Variants in LRRC4C observed in about 807,000 individuals in gnomAD.
LRRC4C encodes leucine rich repeat containing 4C, also known as leucine-rich repeat-containing protein 4C.
A neutral mutation model predicts 33.6 loss-of-function variants in LRRC4C; 5 were observed. The ratio of observed to expected loss-of-function variants is 0.15; its 90% CI spans 0.08 to 0.31. The LOEUF (loss-of-function observed/expected upper bound fraction) is 0.31, where lower values mean the gene tolerates loss of function less well. Ranked by LOEUF, LRRC4C falls within the 10% of genes least tolerant of loss-of-function variation. The probability of loss-of-function intolerance (pLI) is 1.00; values close to 1 mark genes in which losing one functional copy is unlikely to be tolerated. For missense variants in LRRC4C, 560 were observed against 796.7 expected (o/e 0.70, Z 3.58); for synonymous variants, 329 against 302.0 (o/e 1.09, Z -0.93).
chr11:40,758,805 T>C (rs1244032627), intron 2 of LRRC4C, among the ~76,000 whole-genome samples: 2 of 151,944 alleles, frequency 1.3e-5, no homozygotes, highest in African/African-American at 4.8e-5. Context: ...AGTTCAACTG[T>C]CAAAATCTGG....
chr11:41,379,318 T>C (rs985233974), intron 1 of LRRC4C, among the ~76,000 whole-genome samples: 1 of 152,136 alleles, frequency 6.6e-6, no homozygotes, highest in African/African-American at 2.4e-5. Context: ...TCACCATGGT[T>C]ACTGATTCTT....
intron 4 of LRRC4C, among the ~76,000 whole-genome samples, chr11:40,256,612 C>T (rs540796181): frequency 1.3e-5 from 2 of 152,260 alleles, no homozygotes; most frequent in Admixed American, 6.5e-5. Flanking sequence ...ATTTCTAAAT[C>T]AACCCATCAA....
At chr11:40,595,354 A>G (rs1018640598) in intron 3 of LRRC4C, among the ~76,000 whole-genome samples, 2 of 152,228 alleles carry the variant, frequency 1.3e-5, no homozygotes, top group Admixed American at 1.3e-4. Flanking sequence ...GAACAGTTCA[A>G]TAGAGATTTT....
chr11:40,889,215 T>C (rs73472687), intron 2 of LRRC4C, among the ~76,000 whole-genome samples: 32 of 152,228 alleles, frequency 2.1e-4, no homozygotes, highest in African/African-American at 6.7e-4. Flanking sequence ...TTCTATACAG[T>C]CCTTTAAAAT....
chr11:40,213,305 C>A (rs1223269274), intron 5 of LRRC4C, among the ~76,000 whole-genome samples: 1 of 152,216 alleles, frequency 6.6e-6, no homozygotes, highest in Middle Eastern at 3.4e-3. Flanking sequence ...CATGTAAGGG[C>A]AAAAGGAATG....
At chr11:40,147,430 C>G (rs937628104) in intron 5 of LRRC4C, among the ~76,000 whole-genome samples, 1 of 152,076 alleles carries the variant, frequency 6.6e-6, no homozygotes, top group African/African-American at 2.4e-5. Context: ...AAACTAAGAA[C>G]CTGGCTTGCT....
At chr11:41,280,097 G>C (rs909333908) in intron 1 of LRRC4C, among the ~76,000 whole-genome samples, 2 of 152,054 alleles carry the variant, frequency 1.3e-5, no homozygotes, top group Non-Finnish European at 2.9e-5. Flanking sequence ...GTAAGCTCTG[G>C]AAAAGCAAGA....
At chr11:40,179,227 ACTC>A (rs1860775516) in intron 5 of LRRC4C, among the ~76,000 whole-genome samples, 1 of 151,012 alleles carries the variant, frequency 6.6e-6, no homozygotes, top group African/African-American at 2.4e-5. Flanking sequence ...CTGATCTCCA[ACTC>A]CTGAGCTCAA....
At chr11:40,564,266 T>G (rs1957667840) in intron 3 of LRRC4C, among the ~76,000 whole-genome samples, 1 of 152,070 alleles carries the variant, frequency 6.6e-6, no homozygotes, top group Non-Finnish European at 1.5e-5. Context: ...TGGCGAAGTG[T>G]GAGTACCTGA....
At chr11:40,627,102 G>A (rs575708918) in intron 3 of LRRC4C, among the ~76,000 whole-genome samples, 1 of 149,452 alleles carries the variant, frequency 6.7e-6, no homozygotes, top group Non-Finnish European at 1.5e-5. Context: ...TTGGTTGGTG[G>A]GGTGGGTCAG....
chr11:41,216,005 A>G (rs1042853138), intron 1 of LRRC4C, among the ~76,000 whole-genome samples: 1 of 152,192 alleles, frequency 6.6e-6, no homozygotes, highest in Non-Finnish European at 1.5e-5. Flanking sequence ...CACATACACA[A>G]ACACAAAACC....
At chr11:40,330,347 T>C (rs1946303489) in intron 3 of LRRC4C, among the ~76,000 whole-genome samples, 1 of 152,136 alleles carries the variant, frequency 6.6e-6, no homozygotes, top group Non-Finnish European at 1.5e-5. Context: ...TAACATATAA[T>C]AATTGTACAT....
chr11:41,206,256 G>A (rs957798995), intron 1 of LRRC4C, among the ~76,000 whole-genome samples: 55 of 152,142 alleles, frequency 3.6e-4, no homozygotes, highest in Non-Finnish European at 1.0e-4. Flanking sequence ...AAATGTAAGA[G>A]GAGACAGATT....
chr11:40,266,952 C>T (rs560327521), intron 4 of LRRC4C, among the ~76,000 whole-genome samples: 2 of 96,730 alleles, frequency 2.1e-5, no homozygotes, highest in East Asian at 7.6e-4. Flanking sequence ...CACCCACCCA[C>T]CCACCCACCC....
intron 1 of LRRC4C, among the ~76,000 whole-genome samples, chr11:41,168,092 A>G (rs1473369786): frequency 1.3e-5 from 2 of 152,148 alleles, no homozygotes; most frequent in African/African-American, 4.8e-5. Flanking sequence ...TTGACCACCT[A>G]TGAGCCAGGC....
intron 4 of LRRC4C, among the ~76,000 whole-genome samples, chr11:40,308,251 G>C (rs1331906000): frequency 6.6e-6 from 1 of 152,090 alleles, no homozygotes; most frequent in Non-Finnish European, 1.5e-5. Context: ...TTTTCCCAGA[G>C]AGTTTGAAAT....
chr11:40,820,022 C>G (rs1951865060), intron 2 of LRRC4C, among the ~76,000 whole-genome samples: 1 of 151,858 alleles, frequency 6.6e-6, no homozygotes. Context: ...TGTCAACAAA[C>G]TTCATTTTAA....
At chr11:41,133,682 T>C (rs1391508330) in intron 1 of LRRC4C, among the ~76,000 whole-genome samples, 3 of 152,060 alleles carry the variant, frequency 2.0e-5, no homozygotes, top group African/African-American at 7.2e-5. Flanking sequence ...AGACTCTTTG[T>C]GACAATAAAG....
chr11:40,851,609 T>G (rs188708647), intron 2 of LRRC4C, among the ~76,000 whole-genome samples: 536 of 152,096 alleles, frequency 3.5e-3, no homozygotes, highest in Non-Finnish European at 6.1e-3. Flanking sequence ...TCTAATTTTT[T>G]AATTTAAAAA....
Sources: gnomAD v4.1 joint callset for allele counts (sites outside exome capture counted in the v4.1 genomes callset) on GRCh38, gnomAD v4.1.1 for gene constraint, MANE v1.5 for transcripts, NCBI Gene and HGNC (gene_info 2026-07-23, HGNC 2026-07-21) for gene names.